SYNRG: variants seen among roughly 807,000 people sequenced by gnomAD.
SYNRG encodes the protein AP1 gamma subunit binding protein 1.
SYNRG carries 37 observed loss-of-function variants against 130.9 expected under a neutral mutation model. That is an observed-to-expected ratio of 0.28 (90% CI 0.22 to 0.37). The LOEUF (loss-of-function observed/expected upper bound fraction) is 0.37. SYNRG is among the 10% of genes least tolerant of loss of function. SYNRG has a pLI of 1.00. For synonymous variants in SYNRG, 539 were observed against 568.1 expected (o/e 0.95, Z 0.73); for missense variants, 1,338 against 1,588.9 (o/e 0.84, Z 2.68).
Position 37,519,051 on chromosome 17 carries a change from G to A in SYNRG, c.3834C>T (p.Asp1278=), listed in dbSNP as rs1222692248. The A allele has an allele frequency of 3.1e-6, 5 of 1,613,964 alleles. No individual in the cohort carries two copies. The highest frequency in any genetic ancestry group is 4.2e-6 in the Non-Finnish European group (5 of 1,179,862). ...HPKKAFNSET[D]SFKLAYGGHQ... ...GCCCTCCATAGGCCAGCTTGAAACT[G>A]TCTGTTTCTGAGTTGAATGCCTGCC... The change falls in exon 22 of 22, where the codon GAC becomes GAT. Residue 1278 remains aspartate (D), a synonymous_variant. Coordinates refer to ENST00000612223, the MANE Select transcript of SYNRG (RefSeq NM_007247.6).
intron 5 of SYNRG, 115 bp from the exon 6 acceptor site, chr17:37,584,874 C>T (rs2061579210): frequency 1.4e-6 from 1 of 733,848 alleles, no homozygotes; most frequent in Non-Finnish European, 2.2e-6. Flanking sequence ...TTACCACATA[C>T]TTCTGATAAT....
At chr17:37,601,559 C>A (rs1328279582) in intron 1 of SYNRG, among the ~76,000 whole-genome samples, 1 of 152,116 alleles carries the variant, frequency 6.6e-6, no homozygotes, top group East Asian at 1.9e-4. Context: ...TTTCCAGAAC[C>A]TTTCCATCAT....
intron 19 of SYNRG, among the ~76,000 whole-genome samples, chr17:37,531,784 GAA>G (rs879659367): frequency 7.5e-6 from 1 of 132,888 alleles, no homozygotes; most frequent in South Asian, 2.4e-4. Context: ...GTCTAAAAAA[GAA>G]AAAAAAAAAA....
intron 19 of SYNRG, among the ~76,000 whole-genome samples, chr17:37,535,726 T>G (rs768478326): frequency 3.3e-5 from 5 of 152,228 alleles, no homozygotes; most frequent in Non-Finnish European, 7.3e-5. Context: ...TTATGTGAAT[T>G]AAGAAAGGTG....
chr17:37,529,538 CAAA>C (rs3049513), intron 19 of SYNRG, among the ~76,000 whole-genome samples: 13 of 124,608 alleles, frequency 1.0e-4, no homozygotes, highest in African/African-American at 1.9e-4. Flanking sequence ...ATATATTTTA[CAAA>C]AAAAAAAAAA....
At chr17:37,530,848 C>A (rs1431814071) in intron 19 of SYNRG, among the ~76,000 whole-genome samples, 1 of 152,166 alleles carries the variant, frequency 6.6e-6, no homozygotes, top group Admixed American at 6.5e-5. Context: ...GGTGGACTGT[C>A]AGGACAAAAA....
intron 19 of SYNRG, 115 bp downstream of exon 19, chr17:37,535,862 CAT>C: frequency 7.3e-7 from 1 of 1,370,052 alleles, no homozygotes; most frequent in Non-Finnish European, 1.0e-6. Context: ...TTTAATATAA[CAT>C]GCTCCAGTTG....
intron 19 of SYNRG, among the ~76,000 whole-genome samples, chr17:37,521,567 C>T (rs2055062952): frequency 6.6e-6 from 1 of 152,128 alleles, no homozygotes; most frequent in Non-Finnish European, 1.5e-5. Flanking sequence ...TAAGGAGCAT[C>T]CTGGAAGCCA....
intron 16 of SYNRG, 117 bp from the exon 17 acceptor site, chr17:37,539,362 C>A: frequency 3.7e-6 from 4 of 1,080,652 alleles, no homozygotes; most frequent in Non-Finnish European, 5.3e-6. Context: ...CACTCTAGTT[C>A]AAGCAGTTTA....
chr17:37,584,308 TAAA>T, intron 6 of SYNRG: 1 of 186,622 alleles, frequency 5.4e-6, no homozygotes, highest in Non-Finnish European at 1.1e-5. Flanking sequence ...AAAATTACTA[TAAA>T]ACAATGAGAA....
chr17:37,581,765 C>CT (rs398041650), intron 6 of SYNRG, among the ~76,000 whole-genome samples: 2,091 of 105,264 alleles, frequency 0.02, 52 homozygotes, highest in African/African-American at 0.058. Context: ...CATTTTTTTT[C>CT]TTTTTTTTTT....
At chr17:37,553,029 GA>G in intron 14 of SYNRG, 85 bp downstream of exon 14, 2 of 1,254,488 alleles carry the variant, frequency 1.6e-6, no homozygotes, top group Non-Finnish European at 2.3e-6. Context: ...TAAAGGGCCA[GA>G]GCCTTACTCA....
At chr17:37,571,599 A>G (rs2146017357) in intron 9 of SYNRG, among the ~76,000 whole-genome samples, 192 bp downstream of exon 9, 1 of 152,264 alleles carries the variant, frequency 6.6e-6, no homozygotes, top group South Asian at 2.1e-4. Flanking sequence ...AACCAAAACA[A>G]AAAGTCTTTA....
In SYNRG at chr17:37,582,661, G is replaced by A. The variant is rs370636322; in HGVS notation, c.589+1987C>T. ...GGACTGCTTGAGCCCAGGAGTTTGAGACTAGCCAGGGCAACATGGTGAAAT... is the reference window on the plus strand; with the variant it reads ...GGACTGCTTGAGCCCAGGAGTTTGAAACTAGCCAGGGCAACATGGTGAAAT... On this transcript the variant is annotated intron_variant, in intron 6 of 21. Transcript: ENST00000612223. Among the ~76,000 whole-genome samples, 94 of 152,260 alleles carry A rather than the reference G, an allele frequency of 6.2e-4. 1 individual carries two copies. The East Asian group carries it at 0.013, about 20-fold the overall frequency.
intron 6 of SYNRG, among the ~76,000 whole-genome samples, chr17:37,580,084 T>C (rs1033308534): frequency 6.6e-6 from 1 of 152,138 alleles, no homozygotes; most frequent in Non-Finnish European, 1.5e-5. Context: ...CCAATATACA[T>C]CAGATATAAG....
chr17:37,578,471 G>C (rs2061030617), intron 6 of SYNRG, among the ~76,000 whole-genome samples: 1 of 152,226 alleles, frequency 6.6e-6, no homozygotes, highest in Admixed American at 6.5e-5. Flanking sequence ...GTAGGTGGAA[G>C]AGTGTAGTGG....
At chr17:37,520,446 C>G (rs1486444166) in intron 20 of SYNRG, 92 bp downstream of exon 20, 1 of 1,304,980 alleles carries the variant, frequency 7.7e-7, no homozygotes, top group African/African-American at 1.5e-5. Flanking sequence ...CACCTCTGGT[C>G]ACAAACTCTG....
intron 3 of SYNRG, 58 bp downstream of exon 3, chr17:37,596,165 T>C (rs920981159): frequency 2.7e-5 from 43 of 1,575,244 alleles, no homozygotes; most frequent in Middle Eastern, 3.4e-4. Context: ...TAGCTCTTGA[T>C]ATATAAACGT....
intron 1 of SYNRG, among the ~76,000 whole-genome samples, chr17:37,606,577 C>T (rs1156760103): frequency 2.0e-5 from 3 of 151,988 alleles, no homozygotes; most frequent in Non-Finnish European, 4.4e-5. Flanking sequence ...AGAACAGTAC[C>T]TTACCCATGT....
Sources: gnomAD v4.1 joint callset for allele counts (sites outside exome capture counted in the v4.1 genomes callset) on GRCh38, gnomAD v4.1.1 for gene constraint, MANE v1.5 for transcripts, NCBI Gene and HGNC (gene_info 2026-07-23, HGNC 2026-07-21) for gene names.